SYTL5: variants seen among roughly 807,000 people sequenced by gnomAD.
SYTL5 encodes synaptotagmin like 5, also known as synaptotagmin-like protein 5.
In SYTL5, 34 loss-of-function variants were observed where a neutral mutation model predicts 55.9. The ratio of observed to expected loss-of-function variants is 0.61; its 90% CI spans 0.46 to 0.81. The LOEUF (loss-of-function observed/expected upper bound fraction) is 0.81. Among genes scored for constraint, SYTL5 ranks in the 30% least tolerant of loss-of-function variants. The pLI is 0.00. For missense variants in SYTL5, 637 were observed against 546.7 expected (o/e 1.17, Z -1.65); for synonymous variants, 221 against 188.7 (o/e 1.17, Z -1.40).
chrX:37,893,714 A>T, the SYTL5 span, among the ~76,000 whole-genome samples: 161 of 78,388 alleles, frequency 2.1e-3, 1 homozygote, highest in African/African-American at 8.7e-3. Flanking sequence ...CTATAGATAA[A>T]CTATAGATTA....
At chrX:38,059,005 C>T (rs1470205800) in intron 3 of SYTL5, among the ~76,000 whole-genome samples, 1 of 111,251 alleles carries the variant, frequency 9.0e-6, no homozygotes, top group African/African-American at 3.3e-5. Context: ...CATCTCTAAA[C>T]TCAGTTTGTA....
At chrX:38,030,206 T>C in intron 1 of SYTL5, among the ~76,000 whole-genome samples, 1 of 111,660 alleles carries the variant, frequency 9.0e-6, no homozygotes, top group South Asian at 3.8e-4. Context: ...CAAAAGTATA[T>C]TTCCTACCTA....
chrX:37,940,934 G>C, the SYTL5 span, among the ~76,000 whole-genome samples: 1 of 111,029 alleles, frequency 9.0e-6, no homozygotes, highest in Non-Finnish European at 1.9e-5. Context: ...CTAGAAATAA[G>C]CTTTAGGGAA....
chrX:38,012,125 C>A (rs1395877543), intron 1 of SYTL5, among the ~76,000 whole-genome samples: 1 of 111,969 alleles, frequency 8.9e-6, no homozygotes, highest in Non-Finnish European at 1.9e-5. Flanking sequence ...ATATTTCTAA[C>A]AGAATGCCAG....
At chrX:38,100,358 A>C (rs1602395858) in intron 9 of SYTL5, among the ~76,000 whole-genome samples, 1 of 111,144 alleles carries the variant, frequency 9.0e-6, no homozygotes, top group African/African-American at 3.3e-5. Context: ...TTTTTTCCTC[A>C]TCAATGTTTT....
chrX:37,978,151 G>A, the SYTL5 span, among the ~76,000 whole-genome samples: 1 of 111,542 alleles, frequency 9.0e-6, no homozygotes. Context: ...AAACCAGCAG[G>A]AGGTCGTGGC....
chrX:38,038,530 A>G (rs920270764), intron 2 of SYTL5, among the ~76,000 whole-genome samples: 1 of 112,471 alleles, frequency 8.9e-6, no homozygotes, highest in African/African-American at 3.2e-5. Flanking sequence ...ATCATGCTAT[A>G]GAGGTACAAA....
the SYTL5 span, among the ~76,000 whole-genome samples, chrX:37,936,132 A>G: frequency 5.3e-5 from 6 of 112,462 alleles, no homozygotes; most frequent in Non-Finnish European, 1.1e-4. Flanking sequence ...ATAAAGGAAT[A>G]CATTTAATAA....
rs376230897 is a variant in SYTL5 at position 38,039,172 on chromosome X, A to T, written c.119+5164A>T. ...TCAAGAGGCTGAAATATATTTGTAT[A>T]CATTCTTCTCCTTCAGACTAAGCAG... On this transcript the variant is annotated intron_variant, in intron 2 of 16. Coordinates refer to ENST00000297875, the MANE Select transcript of SYTL5 (RefSeq NM_138780.3). Among the ~76,000 whole-genome samples, 12 of 112,098 alleles carry T rather than the reference A, an allele frequency of 1.1e-4. No homozygotes were observed. The East Asian group carries it at 1.9e-3, about 18-fold the overall frequency.
upstream of SYTL5, among the ~76,000 whole-genome samples, chrX:38,004,306 T>C (rs925734167): frequency 9.8e-5 from 11 of 111,764 alleles, no homozygotes; most frequent in African/African-American, 3.6e-4. Context: ...TTTGTTTTTG[T>C]TGTTTCATAG....
intron 9 of SYTL5, among the ~76,000 whole-genome samples, chrX:38,098,519 G>A (rs1444745343): frequency 1.8e-5 from 2 of 110,773 alleles, no homozygotes; most frequent in Non-Finnish European, 3.8e-5. Context: ...CCCCTTGAAT[G>A]GGTGTGATTA....
At chrX:38,083,904 G>C in intron 6 of SYTL5, among the ~76,000 whole-genome samples, 1 of 107,860 alleles carries the variant, frequency 9.3e-6, no homozygotes, top group African/African-American at 3.4e-5. Context: ...TTGTTATACT[G>C]TTGGGTCACT....
rs927228931 is a variant in SYTL5, at chrX:38,108,176, A to G, written c.1335-424A>G. 1.8e-5 allele frequency among the ~76,000 whole-genome samples: 2 copies of G among 112,523 alleles called. 1 individual carries two copies. The highest frequency in any genetic ancestry group is 9.1e-3 in the Middle Eastern group (2 of 219). ...AATTTGTGAGACCATTAATATTAAT[A>G]GTGTATTACATGTATTGAGTAGTAC... On this transcript the variant is annotated intron_variant, in intron 11 of 16. Coordinates refer to ENST00000297875, the MANE Select transcript of SYTL5 (RefSeq NM_138780.3).
the SYTL5 span, among the ~76,000 whole-genome samples, chrX:37,967,895 C>G: frequency 3.0e-4 from 32 of 107,565 alleles, no homozygotes; most frequent in East Asian, 8.9e-3. Context: ...GTCACTGCAC[C>G]TGATTTTGCT....
intron 2 of SYTL5, among the ~76,000 whole-genome samples, chrX:38,045,861 A>G (rs17273931): frequency 0.098 from 10,967 of 111,368 alleles, 880 homozygotes; most frequent in Admixed American, 0.23. Flanking sequence ...AATATTTGTC[A>G]TGAGAGACTT....
chrX:37,927,469 G>A, the SYTL5 span, among the ~76,000 whole-genome samples: 1 of 111,128 alleles, frequency 9.0e-6, no homozygotes, highest in Non-Finnish European at 1.9e-5. Flanking sequence ...GGAGATGGTG[G>A]TATGCAACTT....
chrX:37,898,476 C>G, the SYTL5 span, among the ~76,000 whole-genome samples: 64 of 111,958 alleles, frequency 5.7e-4, no homozygotes, highest in Admixed American at 1.3e-3. Flanking sequence ...GTGGAACCCT[C>G]CTGAATCATT....
chrX:38,067,827 T>C (rs1465749074), intron 3 of SYTL5, among the ~76,000 whole-genome samples: 1 of 112,090 alleles, frequency 8.9e-6, no homozygotes, highest in Non-Finnish European at 1.9e-5. Context: ...CCTCAAGCTA[T>C]ACAAATTCTA....
At chrX:38,121,233 C>A (rs1375203831) in intron 14 of SYTL5, among the ~76,000 whole-genome samples, 2 of 111,888 alleles carry the variant, frequency 1.8e-5, no homozygotes, top group East Asian at 2.8e-4. Context: ...CCCCATGATC[C>A]AATCACCTCG....
Sources: allele counts gnomAD v4.1 joint callset (sites outside exome capture counted in the v4.1 genomes callset), GRCh38; gene constraint gnomAD v4.1.1; transcripts MANE v1.5; gene names NCBI Gene and HGNC (gene_info 2026-07-23, HGNC 2026-07-21).